Variants in RP1 observed in about 807,000 individuals in gnomAD.
The protein encoded by RP1 is RP1 axonemal microtubule associated.
Under a neutral mutation model 14.8 loss-of-function variants are expected in RP1, and 16 were observed. That is an observed-to-expected ratio of 1.08 (90% CI 0.73 to 1.65). RP1 has a LOEUF of 1.65. RP1 is among the 40% of genes most tolerant of loss of function. RP1 has a pLI of 0.00. For synonymous variants in RP1, 876 were observed against 883.6 expected (o/e 0.99, Z 0.15); for missense variants, 2,631 against 2,535.0 (o/e 1.04, Z -0.81).
chr8:54,693,850 A>C (rs1277634540), intron 12 of RP1, among the ~76,000 whole-genome samples: 1 of 152,030 alleles, frequency 6.6e-6, no homozygotes. Flanking sequence ...AACTTCCAAC[A>C]CTATGTTGAA....
chr8:54,801,538 C>A (rs1454852539), intron 24 of RP1, among the ~76,000 whole-genome samples: 1 of 151,934 alleles, frequency 6.6e-6, no homozygotes, highest in African/African-American at 2.4e-5. Flanking sequence ...ATCTTCTGTT[C>A]CACAGGGGAG....
At chr8:54,672,161 C>T (rs540937664) in intron 7 of RP1, among the ~76,000 whole-genome samples, 1 of 152,300 alleles carries the variant, frequency 6.6e-6, no homozygotes, top group East Asian at 1.9e-4. Context: ...TGAAGAAGCT[C>T]TGTTGAAAAG....
intron 1 of RP1, among the ~76,000 whole-genome samples, chr8:54,592,211 C>T (rs1466137364): frequency 6.6e-6 from 1 of 152,192 alleles, no homozygotes; most frequent in Non-Finnish European, 1.5e-5. Flanking sequence ...AATGTTTCCT[C>T]CTGTAGGAGC....
intron 27 of RP1, among the ~76,000 whole-genome samples, chr8:54,863,539 T>C (rs981685470): frequency 2.6e-5 from 4 of 152,254 alleles, no homozygotes; most frequent in African/African-American, 9.6e-5. Context: ...TTTCTATGTA[T>C]GATACGAGGA....
intron 22 of RP1, among the ~76,000 whole-genome samples, chr8:54,767,834 G>T (rs758638861): frequency 6.6e-6 from 1 of 152,218 alleles, no homozygotes; most frequent in South Asian, 2.1e-4. Flanking sequence ...TATTGTATGT[G>T]TGTTATTAGG....
intron 7 of RP1, among the ~76,000 whole-genome samples, chr8:54,668,029 C>T (rs1807056916): frequency 6.6e-6 from 1 of 151,928 alleles, no homozygotes; most frequent in African/African-American, 2.4e-5. Flanking sequence ...GGCAGAGACA[C>T]AACAAAAAAA....
chr8:54,707,398 T>C (rs1585624435), intron 15 of RP1, among the ~76,000 whole-genome samples: 1 of 152,172 alleles, frequency 6.6e-6, no homozygotes, highest in African/African-American at 2.4e-5. Context: ...GCTGGAATTA[T>C]AGGCCTAAGA....
rs149536443 is a variant in RP1, at chr8:54,749,540, G to A, written c.2809-5263G>A. Reference sequence around the variant, plus strand: ...CTGATCCTTGCTCCATTGATATCTAGGTTGACATTAAAGGCAGGCACTAAG... The same window carrying A: ...CTGATCCTTGCTCCATTGATATCTAAGTTGACATTAAAGGCAGGCACTAAG... On this transcript the variant is annotated intron_variant, in intron 19 of 22. Transcript: ENST00000636932. 1.7e-3 allele frequency among the ~76,000 whole-genome samples: 258 copies of A among 152,172 alleles called. 2 individuals are homozygous for A. Among genetic ancestry groups the A allele is most frequent in the Middle Eastern group, 6.8e-3 (2 of 294 alleles).
exon 25 of RP1, chr8:54,837,618 G>C: frequency 8.1e-7 from 1 of 1,231,916 alleles, no homozygotes; most frequent in Non-Finnish European, 1.0e-6. Context: ...AAATGATGGC[G>C]ATCTATGGAA....
chr8:54,750,587 G>A (rs1357221478), intron 19 of RP1, among the ~76,000 whole-genome samples: 1 of 121,550 alleles, frequency 8.2e-6, no homozygotes, highest in Non-Finnish European at 1.7e-5. Flanking sequence ...GCCCTAATCA[G>A]CACTCTGTAG....
At chr8:54,779,205 C>G (rs578067202) in intron 23 of RP1, among the ~76,000 whole-genome samples, 5 of 152,330 alleles carry the variant, frequency 3.3e-5, no homozygotes, top group African/African-American at 1.2e-4. Context: ...AGGCTGCAGT[C>G]TGCAGAGACG....
chr8:54,612,049 T>C (rs919716570), upstream of RP1, among the ~76,000 whole-genome samples: 1 of 152,186 alleles, frequency 6.6e-6, no homozygotes, highest in African/African-American at 2.4e-5. Context: ...GAGATGACTT[T>C]CTAAACTCCC....
intron 28 of RP1, among the ~76,000 whole-genome samples, chr8:54,868,054 A>G (rs1812498047): frequency 6.6e-6 from 1 of 152,202 alleles, no homozygotes. Context: ...TACCAATGAA[A>G]TAATGTAAGT....
At chr8:54,660,950 G>A (rs1002175630) in intron 6 of RP1, among the ~76,000 whole-genome samples, 1 of 151,652 alleles carries the variant, frequency 6.6e-6, no homozygotes, top group Non-Finnish European at 1.5e-5. Context: ...CCCTCCGCTT[G>A]TTTTCTCTCT....
intron 3 of RP1, among the ~76,000 whole-genome samples, chr8:54,648,651 A>G (rs1004039878): frequency 6.6e-6 from 1 of 152,096 alleles, no homozygotes; most frequent in Non-Finnish European, 1.5e-5. Context: ...AATATTGGAG[A>G]TTTTTTGTCA....
At chr8:54,762,344 G>T (rs1355443312) in intron 22 of RP1, among the ~76,000 whole-genome samples, 2 of 152,122 alleles carry the variant, frequency 1.3e-5, no homozygotes, top group Admixed American at 1.3e-4. Context: ...GCAGAGCCGC[G>T]TGAGGAGACT....
intron 8 of RP1, chr8:54,674,031 G>A (rs1401908293): frequency 5.8e-6 from 5 of 861,160 alleles, no homozygotes; most frequent in Non-Finnish European, 7.2e-6. Flanking sequence ...GTAGAAAATG[G>A]ATCTCTATGT....
chr8:54,573,013 CTAA>C (rs1196727473), intron 1 of RP1, among the ~76,000 whole-genome samples: 1 of 152,158 alleles, frequency 6.6e-6, no homozygotes, highest in African/African-American at 2.4e-5. Context: ...AAAAATCTTA[CTAA>C]TAATAGTGTC....
intron 1 of RP1, among the ~76,000 whole-genome samples, chr8:54,561,542 A>G (rs577084234): frequency 1.0e-3 from 156 of 152,292 alleles, no homozygotes; most frequent in African/African-American, 3.4e-3. Context: ...CCTTCAGTAC[A>G]AGGAAATACT....
Sources: allele counts gnomAD v4.1 joint callset (sites outside exome capture counted in the v4.1 genomes callset), GRCh38; gene constraint gnomAD v4.1.1; transcripts MANE v1.5; gene names NCBI Gene and HGNC (gene_info 2026-07-23, HGNC 2026-07-21).